The following OSTN variants were observed in gnomAD, a reference collection of about 807,000 sequenced individuals.
The protein encoded by OSTN is osteocrin.
Under a neutral mutation model 12.0 loss-of-function variants are expected in OSTN, and 9 were observed. That is an observed-to-expected ratio of 0.75 (90% CI 0.45 to 1.30). The LOEUF is 1.30. Ranked by LOEUF, OSTN falls within the 50% of genes most tolerant of loss-of-function variation. The pLI is 0.00. For missense variants in OSTN, 148 were observed against 152.3 expected (o/e 0.97, Z 0.15); for synonymous variants, 59 against 56.9 (o/e 1.04, Z -0.16).
chr3:191,205,789 T>C (rs1256864930), intron 1 of OSTN, among the ~76,000 whole-genome samples: 1 of 152,158 alleles, frequency 6.6e-6, no homozygotes, highest in Non-Finnish European at 1.5e-5. Context: ...CTGCATTCTA[T>C]GGCATCTGGA....
intron 1 of OSTN, among the ~76,000 whole-genome samples, chr3:191,209,655 T>C (rs1460569684): frequency 2.0e-5 from 3 of 152,232 alleles, no homozygotes; most frequent in Non-Finnish European, 2.9e-5. Flanking sequence ...TGTATCTCCA[T>C]TTTAAGTCTT....
At position 191,263,051 on chromosome 3, in the gene OSTN, G is replaced by T; in HGVS notation, c.*198G>T. The T allele has an allele frequency of 1.9e-6, 1 of 515,716 alleles. No individual in the cohort carries two copies. The highest frequency in any genetic ancestry group is 3.0e-5 in the East Asian group (1 of 33,206). 31.9% of individuals were successfully genotyped at this position (515,716 alleles called of 1,614,324 possible). ...ATTAAATTGTGTAAATCATTTTGAT[G>T]CACGTACATTTTAAAATTATATATT... On this transcript the variant is annotated 3_prime_UTR_variant, in exon 5 of 5. Transcript: ENST00000682035.
chr3:191,218,892 G>A lies in OSTN; in HGVS notation c.248G>A (p.Ser83Asn), dbSNP rs1335847449. 1.1e-5 allele frequency: 18 copies of A among 1,614,014 alleles called. No homozygotes were observed. The highest frequency in any genetic ancestry group is 1.4e-5 in the Non-Finnish European group (17 of 1,179,994). The stretch of plus-strand genomic sequence containing the variant: ...GTGATTGAGACAAAGAAGAAAAGGA[G>A]TTTCTCTGGTTTTGGGTCTCCCCTT... ...NDVIETKKKRSFSGFGSPLDR... is the reference protein window; with the variant it reads ...NDVIETKKKRNFSGFGSPLDR... The change falls in exon 3 of 5, where the codon AGT (serine) becomes AAT (asparagine). Residue 83 changes from serine to asparagine, a missense_variant. Coordinates refer to ENST00000682035, the MANE Select transcript of OSTN (RefSeq NM_198184.2).
intron 1 of OSTN, among the ~76,000 whole-genome samples, chr3:191,201,868 A>T (rs1332814487): frequency 3.3e-5 from 5 of 152,210 alleles, no homozygotes; most frequent in Non-Finnish European, 5.9e-5. Flanking sequence ...CAATATCAGG[A>T]TAATGATAAC....
At chr3:191,226,722 C>A (rs907682081) in intron 3 of OSTN, among the ~76,000 whole-genome samples, 1 of 152,120 alleles carries the variant, frequency 6.6e-6, no homozygotes, top group Non-Finnish European at 1.5e-5. Context: ...AAATAGACTC[C>A]ATTTCATATG....
At chr3:191,208,384 G>T (rs1165794905) in intron 1 of OSTN, among the ~76,000 whole-genome samples, 1 of 152,170 alleles carries the variant, frequency 6.6e-6, no homozygotes. Context: ...TTAATCAAAT[G>T]TCTTTTGTAT....
intron 3 of OSTN, among the ~76,000 whole-genome samples, chr3:191,234,239 T>C (rs1429262083): frequency 6.6e-6 from 1 of 152,040 alleles, no homozygotes; most frequent in Non-Finnish European, 1.5e-5. Context: ...ACCTTTGAAA[T>C]AGGAAAATTT....
chr3:191,232,331 TAAAAAAAAAAAAAAAA>T (rs61313474), intron 3 of OSTN, among the ~76,000 whole-genome samples: 12 of 67,496 alleles, frequency 1.8e-4, no homozygotes, highest in Admixed American at 1.6e-4. Context: ...AGACTCTGTC[TAAAAAAAAAAAAAAAA>T]AAAAAAAAAA....
At chr3:191,247,897 G>C (rs761582971) in intron 3 of OSTN, among the ~76,000 whole-genome samples, 1 of 152,042 alleles carries the variant, frequency 6.6e-6, no homozygotes, top group Non-Finnish European at 1.5e-5. Context: ...GCAGTGGTGC[G>C]ATCTCGGCTC....
intron 1 of OSTN, among the ~76,000 whole-genome samples, chr3:191,212,255 C>A (rs758018370): frequency 2.0e-5 from 3 of 152,178 alleles, no homozygotes; most frequent in Non-Finnish European, 4.4e-5. Flanking sequence ...ACATTACCTG[C>A]ATTTCTCATA....
chr3:191,244,710 T>C (rs893503696), intron 3 of OSTN, among the ~76,000 whole-genome samples: 3 of 149,854 alleles, frequency 2.0e-5, no homozygotes, highest in Non-Finnish European at 3.0e-5. Context: ...AGAAAGTATT[T>C]AACCAGGCTA....
At chr3:191,205,252 T>C (rs1714241176) in intron 1 of OSTN, among the ~76,000 whole-genome samples, 1 of 152,096 alleles carries the variant, frequency 6.6e-6, no homozygotes, top group African/African-American at 2.4e-5. Context: ...TATTTTAGAG[T>C]CTTGTTCAAG....
At chr3:191,218,619 G>A (rs1714682707) in intron 2 of OSTN, 128 bp from the exon 3 acceptor site, 2 of 729,428 alleles carry the variant, frequency 2.7e-6, no homozygotes, top group South Asian at 1.9e-5. Context: ...ACAAAACTTT[G>A]TCTCAAAAAA....
chr3:191,255,044 A>T (rs1265937352), intron 4 of OSTN, among the ~76,000 whole-genome samples: 5 of 152,224 alleles, frequency 3.3e-5, no homozygotes, highest in African/African-American at 9.6e-5. Flanking sequence ...GGTTTCCTGG[A>T]AGACAATTTT....
chr3:191,245,084 C>T (rs1282789394), intron 3 of OSTN, among the ~76,000 whole-genome samples: 1 of 152,164 alleles, frequency 6.6e-6, no homozygotes, highest in Admixed American at 6.5e-5. Context: ...AGATATTGCT[C>T]TCTTTTATAA....
At chr3:191,199,795 T>C (rs1264402827) in intron 1 of OSTN, among the ~76,000 whole-genome samples, 1 of 152,146 alleles carries the variant, frequency 6.6e-6, no homozygotes, top group Non-Finnish European at 1.5e-5. Context: ...TCTGTTTTTC[T>C]CCTTATATGT....
chr3:191,261,052 TG>T (rs1715797311), intron 4 of OSTN, among the ~76,000 whole-genome samples: 2 of 152,194 alleles, frequency 1.3e-5, no homozygotes, highest in Admixed American at 6.5e-5. Context: ...GGAGCTTTTC[TG>T]GTAAGAAATT....
intron 1 of OSTN, among the ~76,000 whole-genome samples, chr3:191,202,676 T>C (rs1714177142): frequency 6.6e-6 from 1 of 152,206 alleles, no homozygotes; most frequent in African/African-American, 2.4e-5. Flanking sequence ...AAATATGCTA[T>C]ATTTAACTTA....
At chr3:191,239,407 G>T (rs1325490142) in intron 3 of OSTN, among the ~76,000 whole-genome samples, 1 of 152,004 alleles carries the variant, frequency 6.6e-6, no homozygotes, top group Admixed American at 6.5e-5. Flanking sequence ...TCTGACTTAT[G>T]TTCCCTGCCT....
Sources: gnomAD v4.1 joint callset for allele counts (sites outside exome capture counted in the v4.1 genomes callset) on GRCh38, gnomAD v4.1.1 for gene constraint, MANE v1.5 for transcripts, NCBI Gene and HGNC (gene_info 2026-07-23, HGNC 2026-07-21) for gene names.